Variants in FARSB observed in about 807,000 individuals in gnomAD.
FARSB encodes the protein phenylalanine--tRNA ligase beta subunit.
In FARSB, 40 loss-of-function variants were observed where a neutral mutation model predicts 69.6. The observed-to-expected ratio is 0.57, with a 90% CI of 0.45 to 0.75. FARSB has a LOEUF of 0.75. FARSB is among the 30% of genes least tolerant of loss of function. The pLI, the probability that FARSB is intolerant of heterozygous loss-of-function variation, is 0.00. For synonymous variants in FARSB, 235 were observed against 247.2 expected (o/e 0.95, Z 0.46); for missense variants, 632 against 722.9 (o/e 0.87, Z 1.44).
chr2:222,590,115 C>T (rs1403349362), intron 16 of FARSB, among the ~76,000 whole-genome samples: 7 of 152,066 alleles, frequency 4.6e-5, no homozygotes, highest in Non-Finnish European at 7.4e-5. Context: ...GGAACCAACC[C>T]AAATGTCCAT....
chr2:222,590,965 A>C (rs1395284693), intron 16 of FARSB, among the ~76,000 whole-genome samples: 3 of 152,192 alleles, frequency 2.0e-5, no homozygotes, highest in Admixed American at 6.5e-5. Context: ...AAATGTGAAC[A>C]CATCAATGGA....
intron 5 of FARSB, among the ~76,000 whole-genome samples, chr2:222,636,471 A>C (rs1691585250): frequency 6.6e-6 from 1 of 152,044 alleles, no homozygotes; most frequent in Admixed American, 6.5e-5. Context: ...TAAAATCTAA[A>C]AGTCAAACAG....
At chr2:222,646,179 G>A (rs1395486379) in intron 2 of FARSB, among the ~76,000 whole-genome samples, 1 of 152,118 alleles carries the variant, frequency 6.6e-6, no homozygotes, top group Non-Finnish European at 1.5e-5. Flanking sequence ...AATCCATCCT[G>A]TACTAAAATT....
chr2:222,601,360 C>T (rs184939595), intron 15 of FARSB, among the ~76,000 whole-genome samples: 54 of 151,962 alleles, frequency 3.6e-4, no homozygotes, highest in Admixed American at 2.0e-3. Flanking sequence ...CTTTGGAAGG[C>T]CAAGGCAAGA....
chr2:222,645,906 AAG>A (rs757654542), intron 2 of FARSB, among the ~76,000 whole-genome samples: 13 of 152,202 alleles, frequency 8.5e-5, no homozygotes, highest in Non-Finnish European at 1.5e-4. Flanking sequence ...TACTAGGTGA[AAG>A]AAAATACAGA....
chr2:222,633,362 A>G, intron 6 of FARSB, 55 bp from the exon 7 acceptor site: 1 of 830,706 alleles, frequency 1.2e-6, no homozygotes, highest in Non-Finnish European at 2.0e-6. Context: ...TTCTATCACT[A>G]TAGTTCACAT....
At chr2:222,632,917 C>T (rs1308831003) in intron 7 of FARSB, among the ~76,000 whole-genome samples, 2 of 151,136 alleles carry the variant, frequency 1.3e-5, no homozygotes, top group East Asian at 3.9e-4. Context: ...GAATTACTTG[C>T]TAAAACCAAA....
intron 16 of FARSB, among the ~76,000 whole-genome samples, chr2:222,586,833 A>G (rs943194706): frequency 3.3e-5 from 5 of 152,318 alleles, no homozygotes; most frequent in African/African-American, 1.2e-4. Context: ...TGCACCCAAT[A>G]CAGGAGCACC....
intron 16 of FARSB, among the ~76,000 whole-genome samples, chr2:222,592,413 A>C (rs1690298370): frequency 6.6e-6 from 1 of 152,124 alleles, no homozygotes; most frequent in Non-Finnish European, 1.5e-5. Context: ...AGTGACTCTT[A>C]ACCAATATGC....
chr2:222,655,410 A>G lies in FARSB; in HGVS notation c.58+606T>C, dbSNP rs1040573009. 1.1e-3 allele frequency among the ~76,000 whole-genome samples: 172 copies of G among 152,258 alleles called. 1 individual carries two copies. The highest frequency in any genetic ancestry group is 1.6e-4 in the Non-Finnish European group (11 of 68,018). ...TATCTAAAGTTGTTCTTGGCACAAC[A>G]CCTTTTCTTTCCTTGATGGCATTTA... On this transcript the variant is annotated intron_variant, in intron 1 of 16. Transcript: ENST00000281828.
chr2:222,604,875 A>G (rs928014191), intron 15 of FARSB, among the ~76,000 whole-genome samples: 4 of 151,872 alleles, frequency 2.6e-5, no homozygotes, highest in African/African-American at 9.7e-5. Flanking sequence ...GCCAGACCTC[A>G]ATAATTATTT....
In FARSB at chr2:222,604,672, C is replaced by A. The variant is rs367829096; in HGVS notation, c.1463-4589G>T. Among the ~76,000 whole-genome samples the A allele has an allele frequency of 1.9e-4, 29 of 151,950 alleles. No homozygotes were observed. The East Asian group carries it at 3.5e-3, about 18-fold the overall frequency. On this transcript the variant is annotated intron_variant, in intron 15 of 16. Coordinates refer to ENST00000281828, the MANE Select transcript of FARSB (RefSeq NM_005687.5). ...CCAGGCTCAGGCGATCCTCCCAACT[C>A]AGCCTCCTGAGTAGCTGGGAGTACA...
In FARSB at chr2:222,640,910, T is replaced by C; in HGVS notation, c.291A>G (p.Lys97=). 1 of 1,534,496 alleles carries C rather than the reference T, an allele frequency of 6.5e-7. No individual in the cohort carries two copies. The highest frequency in any genetic ancestry group is 8.9e-7 in the Non-Finnish European group (1 of 1,117,556). ...FKERIKAPVY[K]RVMPDGKIQK... ...GGATTTTTCCATCAGGCATTACCCG[T>C]TTATACACTGGAGCCTTTATCCTAA... The change falls in exon 4 of 17, where the codon AAA becomes AAG. Residue 97 remains lysine, a synonymous_variant. Coordinates refer to ENST00000281828, the MANE Select transcript of FARSB (RefSeq NM_005687.5).
chr2:222,636,079 C>CA (rs1466735572), intron 5 of FARSB, among the ~76,000 whole-genome samples: 1,235 of 83,180 alleles, frequency 0.015, 30 homozygotes, highest in African/African-American at 0.045. Context: ...GACTCTGTCT[C>CA]AAAAAAAAAA....
At chr2:222,572,240 A>T (rs982618230) in intron 16 of FARSB, among the ~76,000 whole-genome samples, 2 of 152,160 alleles carry the variant, frequency 1.3e-5, no homozygotes, top group Non-Finnish European at 1.5e-5. Context: ...ATATGAAAAT[A>T]AGGGCCCTGT....
At chr2:222,608,986 A>G (rs1362087987) in intron 15 of FARSB, among the ~76,000 whole-genome samples, 1 of 152,250 alleles carries the variant, frequency 6.6e-6, no homozygotes, top group Non-Finnish European at 1.5e-5. Context: ...TATATGTCAA[A>G]TTGACAATTG....
At chr2:222,645,892 T>C (rs939688716) in intron 2 of FARSB, among the ~76,000 whole-genome samples, 1 of 152,158 alleles carries the variant, frequency 6.6e-6, no homozygotes, top group African/African-American at 2.4e-5. Context: ...GGCTCAGTTA[T>C]GTCTACTAGG....
At chr2:222,601,187 G>C (rs1018408282) in intron 15 of FARSB, among the ~76,000 whole-genome samples, 1 of 152,142 alleles carries the variant, frequency 6.6e-6, no homozygotes, top group Non-Finnish European at 1.5e-5. Context: ...AAGTTCTAGA[G>C]ACCCACAACA....
At chr2:222,630,083 GC>G in intron 9 of FARSB, 29 bp downstream of exon 9, 1 of 1,336,380 alleles carries the variant, frequency 7.5e-7, no homozygotes, top group Non-Finnish European at 1.1e-6. Context: ...AGAACAATGG[GC>G]CATCAATAAA....
Sources: gnomAD v4.1 joint callset for allele counts (sites outside exome capture counted in the v4.1 genomes callset) on GRCh38, gnomAD v4.1.1 for gene constraint, MANE v1.5 for transcripts, NCBI Gene and HGNC (gene_info 2026-07-23, HGNC 2026-07-21) for gene names.